Variants in MECOM observed in about 807,000 individuals in gnomAD.
MECOM encodes MDS1 and EVI1 complex locus.
A neutral mutation model predicts 116.3 loss-of-function variants in MECOM; 13 were observed. That is an observed-to-expected ratio of 0.11 (90% CI 0.07 to 0.18). The LOEUF is 0.18. Among genes scored for constraint, MECOM ranks in the 10% least tolerant of loss-of-function variants. The probability of loss-of-function intolerance (pLI) is 1.00; values close to 1 mark genes in which losing one functional copy is unlikely to be tolerated. For missense variants in MECOM, 1,299 were observed against 1,509.0 expected (o/e 0.86, Z 2.31); for synonymous variants, 528 against 535.2 (o/e 0.99, Z 0.19).
intron 2 of MECOM, among the ~76,000 whole-genome samples, chr3:169,290,314 AT>A (rs759282851): frequency 7.9e-5 from 12 of 152,236 alleles, no homozygotes; most frequent in Admixed American, 5.9e-4. Context: ...AAGACGTCTT[AT>A]AATGAAATCA....
At chr3:169,457,149 G>C (rs1035723351) in intron 1 of MECOM, among the ~76,000 whole-genome samples, 1 of 152,118 alleles carries the variant, frequency 6.6e-6, no homozygotes, top group Admixed American at 6.6e-5. Context: ...TCCCCTGCTG[G>C]GGCCCTGCCA....
At chr3:169,429,912 A>G (rs1741332112) in intron 1 of MECOM, among the ~76,000 whole-genome samples, 1 of 152,246 alleles carries the variant, frequency 6.6e-6, no homozygotes, top group Admixed American at 6.5e-5. Context: ...TCTGTGTTGC[A>G]GAGTCCCACT....
intron 1 of MECOM, among the ~76,000 whole-genome samples, chr3:169,623,541 C>A (rs961399059): frequency 5.3e-5 from 8 of 152,148 alleles, no homozygotes; most frequent in African/African-American, 1.7e-4. Flanking sequence ...TATGGCCATA[C>A]CACTGTCTAC....
At chr3:169,164,595 T>C (rs55837281) in intron 2 of MECOM, among the ~76,000 whole-genome samples, 11,968 of 152,142 alleles carry the variant, frequency 0.079, 569 homozygotes, top group South Asian at 0.21. Context: ...ATCATCTATC[T>C]TCATCTTACA....
At chr3:169,474,289 C>T (rs967012450) in intron 1 of MECOM, among the ~76,000 whole-genome samples, 1 of 152,222 alleles carries the variant, frequency 6.6e-6, no homozygotes, top group Non-Finnish European at 1.5e-5. Flanking sequence ...ACGTCAGTTC[C>T]TGAAGTCCAG....
At chr3:169,236,219 G>T (rs1437560641) in intron 2 of MECOM, among the ~76,000 whole-genome samples, 1 of 152,132 alleles carries the variant, frequency 6.6e-6, no homozygotes, top group Non-Finnish European at 1.5e-5. Context: ...TTTTATTTAT[G>T]CTTTCAACTT....
intron 2 of MECOM, among the ~76,000 whole-genome samples, chr3:169,262,055 C>T (rs1577504261): frequency 6.6e-6 from 1 of 152,240 alleles, no homozygotes; most frequent in East Asian, 1.9e-4. Context: ...TGTGCCACGC[C>T]CCAATCTAGG....
At chr3:169,628,633 G>T (rs1242330442) in intron 1 of MECOM, among the ~76,000 whole-genome samples, 1 of 152,162 alleles carries the variant, frequency 6.6e-6, no homozygotes, top group Admixed American at 6.5e-5. Context: ...GCATCTCAGG[G>T]GACGGAACAA....
intron 2 of MECOM, among the ~76,000 whole-genome samples, chr3:169,282,363 C>A (rs1712251285): frequency 6.6e-6 from 1 of 152,094 alleles, no homozygotes; most frequent in African/African-American, 2.4e-5. Flanking sequence ...AGTTGCTAAA[C>A]CCTGAAGAAG....
At chr3:169,260,107 T>G (rs1273948218) in intron 2 of MECOM, among the ~76,000 whole-genome samples, 1 of 152,232 alleles carries the variant, frequency 6.6e-6, no homozygotes, top group East Asian at 1.9e-4. Flanking sequence ...ATCTCTAATT[T>G]TAATTTCTTA....
At chr3:169,172,570 A>G (rs1339157177) in intron 2 of MECOM, among the ~76,000 whole-genome samples, 1 of 152,208 alleles carries the variant, frequency 6.6e-6, no homozygotes, top group African/African-American at 2.4e-5. Context: ...AAGAGATTAG[A>G]TAAAATAGTA....
rs143909613 is a variant in MECOM, at chr3:169,084,003, G to A, written c.*906C>T. 3.0e-3 allele frequency: 701 copies of A among 230,206 alleles called. No individual in the cohort carries two copies. Among genetic ancestry groups the A allele is most frequent in the Non-Finnish European group, 5.0e-3 (577 of 116,124 alleles). The allele number at this position is 230,206 out of a possible 1,614,324, so 14.3% of individuals were successfully genotyped here. A position where few individuals can be genotyped will look rare whatever the true frequency, so the allele number is the denominator to read the frequency against. On this transcript the variant is annotated 3_prime_UTR_variant, in exon 17 of 17. Coordinates refer to ENST00000651503, the MANE Select transcript of MECOM (RefSeq NM_004991.4). ...CATTTGGCACTCTCATACACAGGTC[G>A]GGTCACCTTGGTCCTTGAAATTCGG...
intron 2 of MECOM, among the ~76,000 whole-genome samples, chr3:169,356,719 T>A (rs1727345877): frequency 6.6e-6 from 1 of 151,930 alleles, no homozygotes; most frequent in Admixed American, 6.6e-5. Context: ...CGTCCCAGGC[T>A]TTTTGTTGTC....
rs1246969155 is a variant in MECOM, at chr3:169,101,006, CTA to C, written c.2772-46_2772-45del. 4.3e-6 allele frequency: 6 copies of C among 1,402,306 alleles called. No homozygotes were observed. In the Admixed American group the frequency reaches 1.0e-4, roughly 24 times the overall value. 86.9% of individuals were successfully genotyped at this position (1,402,306 alleles called of 1,614,324 possible). On this transcript the variant is annotated intron_variant, in intron 11 of 16. Transcript: ENST00000651503. ...TATAAGAGAAAGTCAGCACAGTTGACTATATTTCACTCATGCCACACAGCAGC... is the reference window on the plus strand; with the variant it reads ...TATAAGAGAAAGTCAGCACAGTTGACTATTTCACTCATGCCACACAGCAGC...
At chr3:169,367,575 A>C (rs1013326085) in intron 2 of MECOM, among the ~76,000 whole-genome samples, 2 of 152,066 alleles carry the variant, frequency 1.3e-5, no homozygotes, top group Non-Finnish European at 2.9e-5. Flanking sequence ...AAGATTGTGC[A>C]GTGTGGGTTC....
Position 169,143,759 on chromosome 3 carries a change from T to C in MECOM, c.449A>G (p.Tyr150Cys). Residue 150 changes from tyrosine to cysteine, a missense_variant, in exon 3 of 17, where the codon TAC becomes TGC. Physicochemically the swap from Tyr to Cys is radical, Grantham distance 194. Around this residue, in one of 6 missense-constraint regions of MECOM, gnomAD observed 374 missense variants for 433.4 expected, o/e 0.86. Coordinates refer to ENST00000651503, the MANE Select transcript of MECOM (RefSeq NM_004991.4). ...ATCATAACAGCCAGCGAATCTAATGTACTTGAGCCAGCTTCCAACATCTGG... is the reference window on the plus strand; with the variant it reads ...ATCATAACAGCCAGCGAATCTAATGCACTTGAGCCAGCTTCCAACATCTGG... ...SQPDVGSWLK[Y>C]IRFAGCYDQH... 2 of 1,611,460 alleles carry C rather than the reference T, an allele frequency of 1.2e-6. No individual in the cohort carries two copies. The highest frequency in any genetic ancestry group is 1.7e-6 in the Non-Finnish European group (2 of 1,178,768).
intron 2 of MECOM, among the ~76,000 whole-genome samples, chr3:169,300,655 A>C (rs1716536102): frequency 6.6e-6 from 1 of 152,176 alleles, no homozygotes; most frequent in African/African-American, 2.4e-5. Context: ...AAATATCCTT[A>C]GGTCCTTCCA....
intron 2 of MECOM, among the ~76,000 whole-genome samples, chr3:169,177,293 G>T (rs1025094209): frequency 6.6e-6 from 1 of 152,130 alleles, no homozygotes; most frequent in African/African-American, 2.4e-5. Flanking sequence ...GCCTTAAAAA[G>T]AAATGAGATC....
chr3:169,128,104 G>C, intron 4 of MECOM, 44 bp from the exon 5 acceptor site: 22 of 1,581,468 alleles, frequency 1.4e-5, no homozygotes, highest in Non-Finnish European at 1.9e-5. Flanking sequence ...GTCAGGAATT[G>C]CCATCACAAA....
Sources: allele counts gnomAD v4.1 joint callset (sites outside exome capture counted in the v4.1 genomes callset), GRCh38; gene constraint gnomAD v4.1.1; regional missense constraint gnomAD v4.1.1; transcripts MANE v1.5; gene names NCBI Gene and HGNC (gene_info 2026-07-23, HGNC 2026-07-21).